Variants in ACTN4 observed in about 807,000 individuals in gnomAD.
The protein encoded by ACTN4 is alpha-actinin-4.
Under a neutral mutation model 114.2 loss-of-function variants are expected in ACTN4, and 18 were observed. The ratio of observed to expected loss-of-function variants is 0.16; its 90% confidence interval spans 0.11 to 0.23. The LOEUF (loss-of-function observed/expected upper bound fraction) is 0.23, where lower values mean the gene tolerates loss of function less well. ACTN4 is among the 10% of genes least tolerant of loss of function. The pLI is 1.00. For missense variants in ACTN4, 722 were observed against 1,262.9 expected (o/e 0.57, Z 6.49); for synonymous variants, 515 against 506.3 (o/e 1.02, Z -0.23).
rs1264076207 is a variant in ACTN4 at position 38,724,120 on chromosome 19, G to A, written c.1693-37G>A. 2 of 1,613,640 alleles carry A rather than the reference G, an allele frequency of 1.2e-6. No homozygotes were observed. Among genetic ancestry groups the A allele is most frequent in the Admixed American group, 3.3e-5 (2 of 60,026 alleles). ...CCCCATCTTCCCAAGAGCCTCTGTG[G>A]GGCTGGGCCGCCCCCTCACTCCAGC... On this transcript the variant is annotated intron_variant, in intron 14 of 20. Coordinates refer to ENST00000252699, the MANE Select transcript of ACTN4 (RefSeq NM_004924.6). The surrounding 1 kb of genome is among the most constrained non-coding windows in gnomAD (Gnocchi z 7.0).
chr19:38,672,238 C>CTTTTTTTT, intron 1 of ACTN4, among the ~76,000 whole-genome samples: 1 of 113,744 alleles, frequency 8.8e-6, no homozygotes, highest in Non-Finnish European at 1.7e-5. Flanking sequence ...ACATGTGGTT[C>CTTTTTTTT]TTTTTTTTTT....
Position 38,647,782 on chromosome 19 carries a change from T to C in ACTN4, c.37T>C (p.Tyr13His), listed in dbSNP as rs751141233. The change falls in exon 1 of 21, where the codon TAC becomes CAC. Residue 13 changes from tyrosine to histidine, a missense_variant. Physicochemically the swap from Tyr to His is moderately conservative, Grantham distance 83. Transcript: ENST00000252699. ...DYHAANQSYQYGPSSAGNGAG... is the reference protein window; with the variant it reads ...DYHAANQSYQHGPSSAGNGAG... ...CCACGCGGCGAACCAGTCGTACCAGTACGGCCCCAGCAGCGCGGGCAATGG... is the reference window on the plus strand; with the variant it reads ...CCACGCGGCGAACCAGTCGTACCAGCACGGCCCCAGCAGCGCGGGCAATGG... 6.4e-7 allele frequency: 1 copy of C among 1,555,614 alleles called. No individual in the cohort carries two copies. Among genetic ancestry groups the C allele is most frequent in the South Asian group, 1.2e-5 (1 of 84,504 alleles).
At chr19:38,705,945 G>C (rs539125895) in intron 4 of ACTN4, 99 bp from the exon 5 acceptor site, 1 of 1,243,744 alleles carries the variant, frequency 8.0e-7, no homozygotes, top group African/African-American at 1.5e-5. Flanking sequence ...CTTGGGTTTC[G>C]TTTGACCCCA....
At chr19:38,650,309 C>G (rs1039491494) in intron 1 of ACTN4, among the ~76,000 whole-genome samples, 2 of 151,972 alleles carry the variant, frequency 1.3e-5, no homozygotes, top group Admixed American at 6.6e-5. Flanking sequence ...GGGCTTTGTT[C>G]GTGGTTATAG....
intron 1 of ACTN4, among the ~76,000 whole-genome samples, chr19:38,652,532 G>T (rs1278862997): frequency 6.6e-6 from 1 of 152,076 alleles, no homozygotes; most frequent in African/African-American, 2.4e-5. Flanking sequence ...ATTGCCCTCT[G>T]CCTTTTGAAA....
intron 3 of ACTN4, among the ~76,000 whole-genome samples, chr19:38,702,251 G>C (rs761028868): frequency 6.6e-6 from 1 of 152,234 alleles, no homozygotes; most frequent in African/African-American, 2.4e-5. Context: ...AATGTTCTCT[G>C]TTCATGCCCA....
At chr19:38,656,362 G>T (rs757309525) in intron 1 of ACTN4, among the ~76,000 whole-genome samples, 5 of 152,140 alleles carry the variant, frequency 3.3e-5, no homozygotes, top group Non-Finnish European at 7.4e-5. Context: ...TTACAGGTGT[G>T]AGTCACCACG....
In ACTN4 at chr19:38,729,337, G is replaced by A. The variant is rs148628123; in HGVS notation, c.2641G>A (p.Ala881Thr). ...CCCCGACCAGGCCGAGTACTGCATCGCCCGCATGGCGCCATACCAGGGCCC... is the reference window on the plus strand; with the variant it reads ...CCCCGACCAGGCCGAGTACTGCATCACCCGCATGGCGCCATACCAGGGCCC... ...LPPDQAEYCI[A>T]RMAPYQGPDA... The change falls in exon 21 of 21, where the codon GCC (alanine) becomes ACC (threonine). Residue 881 changes from alanine (A) to threonine (T), a missense_variant. Around this residue, in one of 3 missense-constraint regions of ACTN4, gnomAD observed 523 missense variants for 875.9 expected, o/e 0.60. Coordinates refer to ENST00000252699, the MANE Select transcript of ACTN4 (RefSeq NM_004924.6). The A allele has an allele frequency of 2.4e-4, 390 of 1,612,756 alleles. 1 individual carries two copies. The highest frequency in any genetic ancestry group is 3.1e-4 in the Non-Finnish European group (370 of 1,179,992).
At chr19:38,648,484 A>G (rs1228850108) in intron 1 of ACTN4, among the ~76,000 whole-genome samples, 1 of 151,868 alleles carries the variant, frequency 6.6e-6, no homozygotes, top group Admixed American at 6.6e-5. Flanking sequence ...TGGGGTCTGA[A>G]GACGGGTGGG....
chr19:38,652,427 T>G (rs1221313583), intron 1 of ACTN4, among the ~76,000 whole-genome samples: 10 of 152,134 alleles, frequency 6.6e-5, no homozygotes, highest in Non-Finnish European at 1.0e-4. Flanking sequence ...CAGGGTCACT[T>G]ACACTCACCT....
chr19:38,696,860 T>C (rs1380187194), intron 1 of ACTN4, among the ~76,000 whole-genome samples: 5 of 152,242 alleles, frequency 3.3e-5, no homozygotes, highest in Non-Finnish European at 2.9e-5. Context: ...GCACCTGTGC[T>C]TGGGGCTTTG....
At chr19:38,681,129 GAAA>G (rs35906770) in intron 1 of ACTN4, among the ~76,000 whole-genome samples, 4,445 of 69,036 alleles carry the variant, frequency 0.064, 34 homozygotes, top group South Asian at 0.13. Context: ...CCAATCTCTA[GAAA>G]AAAAAAAAAA....
chr19:38,664,455 T>A (rs1447982092), intron 1 of ACTN4, among the ~76,000 whole-genome samples: 1 of 152,120 alleles, frequency 6.6e-6, no homozygotes, highest in Non-Finnish European at 1.5e-5. Flanking sequence ...CAGATGTGTT[T>A]CTCCCCACTT....
intron 16 of ACTN4, 105 bp from the exon 17 acceptor site, chr19:38,725,619 G>A: frequency 1.4e-6 from 2 of 1,384,564 alleles, no homozygotes; most frequent in Non-Finnish European, 2.0e-6. Flanking sequence ...CAGGCCAAAG[G>A]GGCCCCGGGG....
chr19:38,725,999 CTG>C, intron 17 of ACTN4, 96 bp downstream of exon 17: 1 of 1,503,244 alleles, frequency 6.7e-7, no homozygotes. Context: ...TGTCTGCTGT[CTG>C]TTGTTTTTCA....
rs141208726 is a variant in ACTN4 at position 38,731,075 on chromosome 19, C to CCCATGCCCCA, written c.*1651_*1660dup. The CCCATGCCCCA allele has an allele frequency of 1.3e-6, 2 of 1,587,984 alleles. No individual in the cohort carries two copies. Among genetic ancestry groups the CCCATGCCCCA allele is most frequent in the South Asian group, 2.3e-5 (2 of 87,784 alleles). ...CCCACCAGTCCCCGTACCCCTTCCC[C>CCCATGCCCCA]CCATGCCCCACCATGCCGGGGTGGT... On this transcript the variant is annotated 3_prime_UTR_variant, in exon 21 of 21. Transcript: ENST00000252699.
intron 1 of ACTN4, among the ~76,000 whole-genome samples, chr19:38,680,075 T>A (rs1477310934): frequency 2.0e-5 from 3 of 152,108 alleles, no homozygotes; most frequent in East Asian, 3.9e-4. Context: ...TAGTCCTGAC[T>A]CACTCACCAC....
chr19:38,673,565 ATT>A (rs1393702283), intron 1 of ACTN4, among the ~76,000 whole-genome samples: 11 of 92,046 alleles, frequency 1.2e-4, no homozygotes, highest in East Asian at 1.2e-3. Flanking sequence ...ACTTATATAT[ATT>A]TATATATATT....
chr19:38,725,938 A>T, intron 17 of ACTN4, 35 bp downstream of exon 17: 2 of 1,611,868 alleles, frequency 1.2e-6, no homozygotes, highest in Non-Finnish European at 1.7e-6. Flanking sequence ...CCTTTCCACC[A>T]GCATGGCCGG....
Sources: allele counts gnomAD v4.1 joint callset (sites outside exome capture counted in the v4.1 genomes callset), GRCh38; gene constraint gnomAD v4.1.1; regional missense constraint gnomAD v4.1.1; non-coding constraint Gnocchi (gnomAD v3.1); transcripts MANE v1.5; gene names NCBI Gene and HGNC (gene_info 2026-07-23, HGNC 2026-07-21).